Variants in MS4A5 observed in about 807,000 individuals in gnomAD.
The protein encoded by MS4A5 is membrane spanning 4-domains A5.
A neutral mutation model predicts 18.2 loss-of-function variants in MS4A5; 15 were observed. The observed-to-expected ratio is 0.83, with a 90% CI of 0.55 to 1.27. MS4A5 has a LOEUF of 1.27. MS4A5 is among the 50% of genes most tolerant of loss of function. The probability of loss-of-function intolerance (pLI) is 0.00; values close to 1 mark genes in which losing one functional copy is unlikely to be tolerated. For missense variants in MS4A5, 232 were observed against 225.7 expected (o/e 1.03, Z -0.18); for synonymous variants, 89 against 78.7 (o/e 1.13, Z -0.69).
chr11:60,438,174 C>T (rs1298193546), intron 4 of MS4A5, among the ~76,000 whole-genome samples: 1 of 151,996 alleles, frequency 6.6e-6, no homozygotes, highest in Non-Finnish European at 1.5e-5. Flanking sequence ...TGAATGACTA[C>T]TGGGTACATA....
chr11:60,446,182 G>A (rs753333718), intron 4 of MS4A5, among the ~76,000 whole-genome samples: 10 of 152,130 alleles, frequency 6.6e-5, no homozygotes, highest in Non-Finnish European at 1.3e-4. Context: ...AATATTAAGT[G>A]GCCATTAAAA....
intron 4 of MS4A5, among the ~76,000 whole-genome samples, chr11:60,444,587 C>CA (rs2086129932): frequency 6.6e-6 from 1 of 151,534 alleles, no homozygotes; most frequent in Non-Finnish European, 1.5e-5. Flanking sequence ...ATAAAAAGGC[C>CA]AAAAAAAGAT....
At chr11:60,445,673 C>T (rs2086134981) in intron 4 of MS4A5, among the ~76,000 whole-genome samples, 1 of 151,888 alleles carries the variant, frequency 6.6e-6, no homozygotes, top group African/African-American at 2.4e-5. Flanking sequence ...ATATAACTGA[C>T]AAGAAGTCAA....
At chr11:60,442,425 G>A (rs946645678) in intron 4 of MS4A5, among the ~76,000 whole-genome samples, 1 of 152,138 alleles carries the variant, frequency 6.6e-6, no homozygotes, top group Non-Finnish European at 1.5e-5. Flanking sequence ...TCACTCATAA[G>A]TGAGAGTTGA....
At chr11:60,430,385 A>G (rs1357469999) in intron 1 of MS4A5, among the ~76,000 whole-genome samples, 1 of 152,206 alleles carries the variant, frequency 6.6e-6, no homozygotes, top group Non-Finnish European at 1.5e-5. Flanking sequence ...GCTTGAGGCC[A>G]GCCTGGTATA....
rs527920354 is a variant in MS4A5 at position 60,432,796 on chromosome 11, G to A, written c.339+329G>A. Among the ~76,000 whole-genome samples the A allele has an allele frequency of 8.7e-5, 13 of 149,396 alleles. No individual in the cohort carries two copies. In the South Asian group the frequency reaches 2.6e-3, roughly 30 times the overall value. ...AAAAAAAAAAACAAAAAAAAGTAATGAGTTACATTTTCACTATTTCCACTT... is the reference window on the plus strand; with the variant it reads ...AAAAAAAAAAACAAAAAAAAGTAATAAGTTACATTTTCACTATTTCCACTT... On this transcript the variant is annotated intron_variant, in intron 3 of 4. Transcript: ENST00000300190.
chr11:60,435,861 G>T (rs997145356), intron 4 of MS4A5, among the ~76,000 whole-genome samples: 2 of 151,924 alleles, frequency 1.3e-5, no homozygotes, highest in African/African-American at 4.8e-5. Flanking sequence ...GGGGAGGGGC[G>T]CCCGCCATTG....
chr11:60,441,638 A>G (rs2086113267), intron 4 of MS4A5, among the ~76,000 whole-genome samples: 1 of 146,810 alleles, frequency 6.8e-6, no homozygotes, highest in African/African-American at 2.5e-5. Flanking sequence ...AAAAAAAAAG[A>G]AAGAAATGAT....
chr11:60,445,413 C>T (rs1457549179), intron 4 of MS4A5, among the ~76,000 whole-genome samples: 2 of 151,912 alleles, frequency 1.3e-5, no homozygotes, highest in East Asian at 3.9e-4. Context: ...GCTCATGCTG[C>T]CATGCCCAGC....
chr11:60,443,571 A>T (rs188300037), intron 4 of MS4A5, among the ~76,000 whole-genome samples: 24 of 152,154 alleles, frequency 1.6e-4, no homozygotes, highest in African/African-American at 5.8e-4. Flanking sequence ...AGATTAAAAA[A>T]TTAAATTTAA....
chr11:60,446,747 A>G (rs1011596563), intron 4 of MS4A5, among the ~76,000 whole-genome samples: 4 of 151,382 alleles, frequency 2.6e-5, no homozygotes, highest in African/African-American at 9.7e-5. Flanking sequence ...AAAAAAAAAA[A>G]GACAAAAAAG....
At chr11:60,435,919 T>C (rs1280785046) in intron 4 of MS4A5, among the ~76,000 whole-genome samples, 2 of 152,174 alleles carry the variant, frequency 1.3e-5, no homozygotes, top group Non-Finnish European at 2.9e-5. Context: ...TCCAACTGGG[T>C]GGATCCCACG....
intron 4 of MS4A5, among the ~76,000 whole-genome samples, chr11:60,443,940 T>C (rs1281380692): frequency 1.3e-5 from 2 of 152,164 alleles, no homozygotes; most frequent in African/African-American, 4.8e-5. Context: ...AATGTATATA[T>C]CTGATTGGGC....
At chr11:60,438,699 A>G (rs199656438) in intron 4 of MS4A5, among the ~76,000 whole-genome samples, 1,592 of 152,040 alleles carry the variant, frequency 0.01, 65 homozygotes, top group Admixed American at 0.079. Context: ...TCCTCGACAC[A>G]TACACTGTCC....
intron 2 of MS4A5, among the ~76,000 whole-genome samples, 179 bp from the exon 3 acceptor site, chr11:60,432,232 G>A (rs2086052798): frequency 6.6e-6 from 1 of 152,200 alleles, no homozygotes; most frequent in South Asian, 2.1e-4. Flanking sequence ...CCAGACCAGT[G>A]TTTTGTCCAC....
intron 4 of MS4A5, among the ~76,000 whole-genome samples, chr11:60,438,429 A>G (rs1197003681): frequency 6.6e-6 from 1 of 152,150 alleles, no homozygotes; most frequent in Non-Finnish European, 1.5e-5. Context: ...AAATCAGAGC[A>G]GAACTGAAGG....
At chr11:60,430,436 G>A (rs1166382623) in intron 1 of MS4A5, among the ~76,000 whole-genome samples, 1 of 152,086 alleles carries the variant, frequency 6.6e-6, no homozygotes, top group Non-Finnish European at 1.5e-5. Flanking sequence ...TCACATTTAT[G>A]GGCTAAAGAA....
intron 4 of MS4A5, among the ~76,000 whole-genome samples, chr11:60,442,788 G>T (rs759611698): frequency 1.6e-4 from 24 of 152,180 alleles, no homozygotes; most frequent in Non-Finnish European, 2.9e-4. Context: ...TCTTTAAAGT[G>T]CTCAAACAAA....
intron 1 of MS4A5, 43 bp downstream of exon 1, chr11:60,429,870 G>C (rs758167444): frequency 1.3e-6 from 2 of 1,568,748 alleles, no homozygotes; most frequent in Non-Finnish European, 1.7e-6. Flanking sequence ...TGAGGCAGGG[G>C]AAAGGCTAGG....
Sources: allele counts gnomAD v4.1 joint callset (sites outside exome capture counted in the v4.1 genomes callset), GRCh38; gene constraint gnomAD v4.1.1; transcripts MANE v1.5; gene names NCBI Gene and HGNC (gene_info 2026-07-23, HGNC 2026-07-21).